Variants in AGO1 observed in about 807,000 individuals in gnomAD.
The protein encoded by AGO1 is argonaute RISC component 1, also known as protein argonaute-1.
Under a neutral mutation model 109.2 loss-of-function variants are expected in AGO1, and 11 were observed. That is an observed-to-expected ratio of 0.10 (90% CI 0.06 to 0.17). The LOEUF (loss-of-function observed/expected upper bound fraction) is 0.17, where lower values mean the gene tolerates loss of function less well. Among genes scored for constraint, AGO1 ranks in the 10% least tolerant of loss-of-function variants. AGO1 has a pLI of 1.00. For synonymous variants in AGO1, 422 were observed against 418.6 expected, an observed-to-expected ratio of 1.01 and a Z score of -0.10; for missense variants, 574 against 1,140.3, an observed-to-expected ratio of 0.50 and a Z score of 7.15.
Position 35,920,256 on chromosome 1 carries a change from T to G in AGO1, c.*649T>G, listed in dbSNP as rs1645807546. On this transcript the variant is annotated 3_prime_UTR_variant, in exon 19 of 19. Coordinates refer to ENST00000373204, the MANE Select transcript of AGO1 (RefSeq NM_012199.5). ...ACCCTTATTCCTCTCTGTCCACATT[T>G]TCTGCCCCACCTTACTTCTCCTCCC... The G allele has an allele frequency of 6.6e-6, 1 of 152,574 alleles. No homozygotes were observed. The highest frequency in any genetic ancestry group is 2.4e-5 in the African/African-American group (1 of 41,400). The allele number at this position is 152,574 out of a possible 1,614,324, so 9.5% of individuals were successfully genotyped here.
chr1:35,884,089 A>ACC (rs577341328), intron 1 of AGO1, among the ~76,000 whole-genome samples: 1 of 135,024 alleles, frequency 7.4e-6, no homozygotes, highest in East Asian at 2.2e-4. Context: ...ACCTCTCCAC[A>ACC]CCCCCCCGCC....
At position 35,919,680 on chromosome 1, in the gene AGO1, G is replaced by A; in HGVS notation, c.*73G>A. 7.0e-7 allele frequency: 1 copy of A among 1,432,860 alleles called. No individual in the cohort carries two copies. Among genetic ancestry groups the A allele is most frequent in the South Asian group, 1.2e-5 (1 of 81,712 alleles). 88.8% of individuals were successfully genotyped at this position (1,432,860 alleles called of 1,614,324 possible). A position where few individuals can be genotyped will look rare whatever the true frequency, so the allele number is the denominator to read the frequency against. Reference sequence around the variant, plus strand: ...CCAGGAGCTGTGCCACCCAAATCCAGAGGAAGCAAGGAGGAGGGAGGTGGG... The same window carrying A: ...CCAGGAGCTGTGCCACCCAAATCCAAAGGAAGCAAGGAGGAGGGAGGTGGG... On this transcript the variant is annotated 3_prime_UTR_variant, in exon 19 of 19. Coordinates refer to ENST00000373204, the MANE Select transcript of AGO1 (RefSeq NM_012199.5). The surrounding 1 kb of genome is among the most constrained non-coding windows in gnomAD (Gnocchi z 6.6).
chr1:35,871,612 C>A (rs1002875501), intron 1 of AGO1, among the ~76,000 whole-genome samples: 1 of 151,582 alleles, frequency 6.6e-6, no homozygotes, highest in African/African-American at 2.4e-5. Context: ...GTGGCCCATG[C>A]TTGCAATCCC....
chr1:35,902,632 G>A (rs1187072744), intron 11 of AGO1, among the ~76,000 whole-genome samples: 1 of 152,172 alleles, frequency 6.6e-6, no homozygotes, highest in Non-Finnish European at 1.5e-5. Flanking sequence ...TAGTAGTGAT[G>A]ACTGTAATGT....
chr1:35,897,599 G>A (rs1459957474), intron 8 of AGO1, among the ~76,000 whole-genome samples: 1 of 152,142 alleles, frequency 6.6e-6, no homozygotes, highest in Non-Finnish European at 1.5e-5. Context: ...AAGGCAGGAG[G>A]ATTGCTTGAC....
chr1:35,917,708 G>A lies in AGO1; in HGVS notation c.2144G>A (p.Cys715Tyr). The change falls in exon 16 of 19, where the codon TGT (cysteine) becomes TAT (tyrosine). Residue 715 changes from cysteine to tyrosine, a missense_variant. Physicochemically the swap from Cys to Tyr is radical, Grantham distance 194. This residue lies in a region of AGO1 where 62 missense variants were observed against 192.0 expected (regional missense o/e 0.32). Coordinates refer to ENST00000373204, the MANE Select transcript of AGO1 (RefSeq NM_012199.5). Reference sequence around the variant, plus strand: ...AAACGCCATCACACCCGCCTTTTCTGTGCTGACAAGAATGAGCGAGTGAGT... The same window carrying A: ...AAACGCCATCACACCCGCCTTTTCTATGCTGACAAGAATGAGCGAGTGAGT... ...VQKRHHTRLFCADKNERIGKS... is the reference protein window; with the variant it reads ...VQKRHHTRLFYADKNERIGKS... The A allele has an allele frequency of 6.2e-7, 1 of 1,613,320 alleles. No individual in the cohort carries two copies. The highest frequency in any genetic ancestry group is 8.5e-7 in the Non-Finnish European group (1 of 1,179,410).
At position 35,923,826 on chromosome 1, in the gene AGO1, G is replaced by A. The variant is rs1645876817; in HGVS notation, c.*4219G>A. 6.6e-6 allele frequency: 1 copy of A among 152,642 alleles called. No homozygotes were observed. The highest frequency in any genetic ancestry group is 2.4e-5 in the African/African-American group (1 of 41,450). The allele number at this position is 152,642 out of a possible 1,614,324, so 9.5% of individuals were successfully genotyped here. A position where few individuals can be genotyped will look rare whatever the true frequency, so the allele number is the denominator to read the frequency against. ...ACAAAACAGAATGAGGTGGGAAAGG[G>A]AGATTTTCTTCTTTACAGAGGAAAA... On this transcript the variant is annotated 3_prime_UTR_variant, in exon 19 of 19. Transcript: ENST00000373204.
chr1:35,892,722 A>G, intron 3 of AGO1, 45 bp downstream of exon 3: 1 of 1,613,204 alleles, frequency 6.2e-7, no homozygotes, highest in Non-Finnish European at 8.5e-7. Flanking sequence ...GGTCTGGGGT[A>G]GAACCAAGCT....
intron 16 of AGO1, 108 bp downstream of exon 16, chr1:35,917,835 C>A (rs1645762429): frequency 3.5e-6 from 5 of 1,449,060 alleles, no homozygotes; most frequent in Non-Finnish European, 4.6e-6. Context: ...TCCTATCTAT[C>A]CTCCCTGGCC....
chr1:35,887,420 G>C (rs1354556429), intron 1 of AGO1, among the ~76,000 whole-genome samples: 1 of 152,128 alleles, frequency 6.6e-6, no homozygotes, highest in Non-Finnish European at 1.5e-5. Context: ...TAAGACTGGA[G>C]ACAGCAGCCA....
In AGO1 at chr1:35,893,854, T is replaced by C. The variant is rs775478803; in HGVS notation, c.649+44T>C. The C allele has an allele frequency of 2.5e-6, 4 of 1,590,026 alleles. No homozygotes were observed. The highest frequency in any genetic ancestry group is 3.4e-6 in the Non-Finnish European group (4 of 1,165,236). Reference sequence around the variant, plus strand: ...GGAGCCAGGGGCACCCCAAGTCCAGTGACCACACTCCCAGCCTCATCCCTC... The same window carrying C: ...GGAGCCAGGGGCACCCCAAGTCCAGCGACCACACTCCCAGCCTCATCCCTC... On this transcript the variant is annotated intron_variant, in intron 5 of 18. Coordinates refer to ENST00000373204, the MANE Select transcript of AGO1 (RefSeq NM_012199.5). This position sits in a 1 kb window ranked among gnomAD's most constrained non-coding sequence, Gnocchi z 5.6.
upstream of AGO1, among the ~76,000 whole-genome samples, chr1:35,879,752 A>AAT (rs1645020929): frequency 6.6e-6 from 1 of 151,140 alleles, no homozygotes; most frequent in Non-Finnish European, 1.5e-5. Flanking sequence ...AAAAAAAAAA[A>AAT]AAAAAAAAAA....
chr1:35,880,297 G>A (rs1645024767), upstream of AGO1, among the ~76,000 whole-genome samples: 1 of 151,996 alleles, frequency 6.6e-6, no homozygotes, highest in Non-Finnish European at 1.5e-5. Flanking sequence ...CATTCCATAA[G>A]AAGAGTCTTT....
chr1:35,920,698 C>G lies in AGO1; in HGVS notation c.*1091C>G, dbSNP rs1342612616. The G allele has an allele frequency of 1.3e-5, 2 of 152,614 alleles. No homozygotes were observed. The highest frequency in any genetic ancestry group is 2.9e-5 in the Non-Finnish European group (2 of 68,032). 9.5% of individuals were successfully genotyped at this position (152,614 alleles called of 1,614,324 possible). On this transcript the variant is annotated 3_prime_UTR_variant, in exon 19 of 19. Transcript: ENST00000373204. ...CCTTTTCTCCTTATTCCTCCTACCT[C>G]CCGCCCCGCCCAGGTCTGGAGTTAC... is the stretch of plus-strand genomic sequence containing the variant.
rs1209791670 is a variant in AGO1, at chr1:35,902,346, G to C, written c.1397+9G>C. The C allele has an allele frequency of 1.2e-6, 2 of 1,612,890 alleles. No homozygotes were observed. The highest frequency in any genetic ancestry group is 8.5e-7 in the Non-Finnish European group (1 of 1,179,380). On this transcript the variant is annotated intron_variant, in intron 11 of 18. Coordinates refer to ENST00000373204, the MANE Select transcript of AGO1 (RefSeq NM_012199.5). ...CGAGAAGAGGTGCTCAAGTAAGGAG[G>C]GTTCGCTGTAGGGGTGGAAGGGTGG...
chr1:35,896,145 A>G (rs1430166803), intron 8 of AGO1, among the ~76,000 whole-genome samples: 1 of 152,046 alleles, frequency 6.6e-6, no homozygotes, highest in African/African-American at 2.4e-5. Context: ...AATTACAGGC[A>G]TGCGCCACCA....
At chr1:35,887,503 GA>G (rs1289058779) in intron 1 of AGO1, among the ~76,000 whole-genome samples, 1 of 152,136 alleles carries the variant, frequency 6.6e-6, no homozygotes, top group Non-Finnish European at 1.5e-5. Flanking sequence ...CCTCTGTCTT[GA>G]AATTGATCTC....
intron 1 of AGO1, among the ~76,000 whole-genome samples, chr1:35,877,145 T>C (rs1170619213): frequency 6.6e-6 from 1 of 152,184 alleles, no homozygotes. Flanking sequence ...TGGGTGAAAC[T>C]GAACCGTGAA....
Position 35,907,394 on chromosome 1 carries a change from T to G in AGO1, c.1582+275T>G, listed in dbSNP as rs941518175. Among the ~76,000 whole-genome samples the G allele has an allele frequency of 9.9e-4, 151 of 152,012 alleles. 2 individuals are homozygous for G. Among genetic ancestry groups the G allele is most frequent in the African/African-American group, 3.5e-3 (144 of 41,356 alleles). On this transcript the variant is annotated intron_variant, in intron 12 of 18. Coordinates refer to ENST00000373204, the MANE Select transcript of AGO1 (RefSeq NM_012199.5). Reference sequence around the variant, plus strand: ...ATGCTGGGCCAGGTACAGAGACGGGTTGGTCTAGATTCCTGTCCTTAGGAG... The same window carrying G: ...ATGCTGGGCCAGGTACAGAGACGGGGTGGTCTAGATTCCTGTCCTTAGGAG...
Sources: allele counts gnomAD v4.1 joint callset (sites outside exome capture counted in the v4.1 genomes callset), GRCh38; gene constraint gnomAD v4.1.1; regional missense constraint gnomAD v4.1.1; non-coding constraint Gnocchi (gnomAD v3.1); transcripts MANE v1.5; gene names NCBI Gene and HGNC (gene_info 2026-07-23, HGNC 2026-07-21).